Variants in AHCY observed in about 807,000 individuals in gnomAD.
AHCY encodes the protein S-adenosyl-L-homocysteine hydrolase.
AHCY carries 24 observed loss-of-function variants against 45.4 expected under a neutral mutation model. The ratio of observed to expected loss-of-function variants is 0.53; its 90% confidence interval spans 0.38 to 0.74. The LOEUF (loss-of-function observed/expected upper bound fraction) is 0.74, where lower values mean the gene tolerates loss of function less well. Among genes scored for constraint, AHCY ranks in the 30% least tolerant of loss-of-function variants. The probability of loss-of-function intolerance (pLI) is 0.00; values close to 1 mark genes in which losing one functional copy is unlikely to be tolerated. For missense variants in AHCY, 449 were observed against 594.1 expected (o/e 0.76, Z 2.54); for synonymous variants, 245 against 235.1 (o/e 1.04, Z -0.39).
chr20:34,286,366 G>A (rs922746983), intron 8 of AHCY: 2 of 153,470 alleles, frequency 1.3e-5, no homozygotes, highest in African/African-American at 4.8e-5. Context: ...AAGTTTACAA[G>A]GGTTAGGTCA....
chr20:34,302,907 G>GC (rs924069710), intron 1 of AHCY: 12 of 985,344 alleles, frequency 1.2e-5, no homozygotes, highest in South Asian at 4.7e-5. Context: ...CCGGGCGCAG[G>GC]CCCCCCGAGC....
chr20:34,248,938 T>A, the AHCY span, among the ~76,000 whole-genome samples: 1 of 142,850 alleles, frequency 7.0e-6, no homozygotes, highest in African/African-American at 2.6e-5. Context: ...GGCAACATGG[T>A]AAAACCCCAT....
the AHCY span, among the ~76,000 whole-genome samples, chr20:34,256,911 G>T: frequency 6.6e-6 from 1 of 152,016 alleles, no homozygotes; most frequent in Non-Finnish European, 1.5e-5. Context: ...CACCCGAGTA[G>T]CTGGGAACAC....
chr20:34,301,808 T>A (rs1004418959), intron 1 of AHCY: 2 of 985,284 alleles, frequency 2.0e-6, no homozygotes, highest in African/African-American at 3.5e-5. Flanking sequence ...TCTACTCTGG[T>A]AGCAACTTGA....
At chr20:34,298,417 G>C (rs1330889457) in intron 1 of AHCY, among the ~76,000 whole-genome samples, 2 of 151,736 alleles carry the variant, frequency 1.3e-5, no homozygotes, top group East Asian at 3.9e-4. Context: ...GACATAGTGA[G>C]GTGTGACCAG....
chr20:34,242,108 T>G, the AHCY span, among the ~76,000 whole-genome samples: 1 of 152,182 alleles, frequency 6.6e-6, no homozygotes, highest in Admixed American at 6.5e-5. Flanking sequence ...TATGGAACAT[T>G]TTGTTCTGCT....
At chr20:34,304,464 T>C (rs1455226309), upstream of AHCY, among the ~76,000 whole-genome samples, 2 of 152,108 alleles carry the variant, frequency 1.3e-5, no homozygotes, top group Admixed American at 6.6e-5. Context: ...ATGCAAATGG[T>C]TGTTTTGTAA....
intron 5 of AHCY, 118 bp downstream of exon 5, chr20:34,291,301 G>GCCC (rs1465789709): frequency 1.0e-6 from 1 of 954,300 alleles, no homozygotes; most frequent in East Asian, 2.4e-5. Context: ...AACCGCTTTT[G>GCCC]CCCCCTCAAA....
At chr20:34,283,347 T>A (rs906435316) in intron 9 of AHCY, among the ~76,000 whole-genome samples, 1 of 152,134 alleles carries the variant, frequency 6.6e-6, no homozygotes, top group African/African-American at 2.4e-5. Flanking sequence ...GATGGATGGA[T>A]CACTCATCTC....
At chr20:34,236,536 ACT>A in the AHCY span, among the ~76,000 whole-genome samples, 1 of 150,134 alleles carries the variant, frequency 6.7e-6, no homozygotes, top group Non-Finnish European at 1.5e-5. Flanking sequence ...AAGAGTGAAA[ACT>A]CTGTCTCAAA....
At chr20:34,284,522 T>A (rs2036106275) in intron 9 of AHCY, among the ~76,000 whole-genome samples, 1 of 152,172 alleles carries the variant, frequency 6.6e-6, no homozygotes, top group East Asian at 1.9e-4. Flanking sequence ...ACTCAGCTTA[T>A]ACACATGTCC....
chr20:34,298,166 G>A (rs1270437914), intron 1 of AHCY, among the ~76,000 whole-genome samples: 1 of 151,892 alleles, frequency 6.6e-6, no homozygotes, highest in Non-Finnish European at 1.5e-5. Context: ...TAGATGAGCT[G>A]TCCTGTGGGC....
chr20:34,259,416 G>A, the AHCY span, among the ~76,000 whole-genome samples: 1 of 151,904 alleles, frequency 6.6e-6, no homozygotes, highest in Non-Finnish European at 1.5e-5. Flanking sequence ...TGGAGGCTGA[G>A]GCACGAGAAT....
the AHCY span, among the ~76,000 whole-genome samples, chr20:34,267,739 C>G: frequency 1.2e-3 from 180 of 151,922 alleles, no homozygotes; most frequent in African/African-American, 4.2e-3. Flanking sequence ...CCATGTCGGT[C>G]GGGCTGGTCC....
At chr20:34,306,079 CAAA>C (rs56039506), upstream of AHCY, among the ~76,000 whole-genome samples, 141 of 103,084 alleles carry the variant, frequency 1.4e-3, 1 homozygote, top group Admixed American at 2.4e-3. Context: ...AAGACTGCCT[CAAA>C]AAAAAAAAAA....
chr20:34,245,811 G>A, the AHCY span: 1 of 790,276 alleles, frequency 1.3e-6, no homozygotes, highest in Non-Finnish European at 1.6e-6. Context: ...AAAATGCCAA[G>A]GACGAGGGCA....
Position 34,281,178 on chromosome 20 carries a change from A to G in AHCY, c.1168-13T>C. 1 of 1,612,374 alleles carries G rather than the reference A, an allele frequency of 6.2e-7. No homozygotes were observed. Among genetic ancestry groups the G allele is most frequent in the East Asian group, 2.2e-5 (1 of 44,890 alleles). On this transcript the variant is annotated splice_polypyrimidine_tract_variant and intron_variant, in intron 9 of 9. Coordinates refer to ENST00000217426, the MANE Select transcript of AHCY (RefSeq NM_000687.4). ...CTGCCTCATCCAGCTGGGGAGAAACAAAGGAAGACCGGGAATCAGTGCCAT... is the reference window on the plus strand; with the variant it reads ...CTGCCTCATCCAGCTGGGGAGAAACGAAGGAAGACCGGGAATCAGTGCCAT...
chr20:34,292,553 C>T lies in AHCY; in HGVS notation c.296-46G>A, dbSNP rs775059375. On this transcript the variant is annotated intron_variant, in intron 3 of 9. Coordinates refer to ENST00000217426, the MANE Select transcript of AHCY (RefSeq NM_000687.4). ...CAGGGCCTGGACTTCCCAACTGGTA[C>T]CTGCTCCAGGGAACAACTCTGGCAG... The T allele has an allele frequency of 1.9e-6, 3 of 1,613,034 alleles. No individual in the cohort carries two copies. In the East Asian group the frequency reaches 6.7e-5, roughly 36 times the overall value.
intron 3 of AHCY, among the ~76,000 whole-genome samples, chr20:34,292,999 C>T (rs1269536459): frequency 3.3e-5 from 5 of 152,040 alleles, no homozygotes; most frequent in African/African-American, 1.2e-4. Flanking sequence ...GACTGGAGCA[C>T]TAGCAGCCTC....
Sources: allele counts gnomAD v4.1 joint callset (sites outside exome capture counted in the v4.1 genomes callset), GRCh38; gene constraint gnomAD v4.1.1; transcripts MANE v1.5; gene names NCBI Gene and HGNC (gene_info 2026-07-23, HGNC 2026-07-21).